Variants in HMCN1 observed in about 807,000 individuals in gnomAD.
The protein encoded by HMCN1 is hemicentin-1.
Under a neutral mutation model 625.9 loss-of-function variants are expected in HMCN1, and 321 were observed. The observed-to-expected ratio is 0.51, with a 90% CI of 0.47 to 0.56. The LOEUF (loss-of-function observed/expected upper bound fraction) is 0.56, where lower values mean the gene tolerates loss of function less well. Among genes scored for constraint, HMCN1 ranks in the 20% least tolerant of loss-of-function variants. HMCN1 has a pLI of 0.00. For missense variants in HMCN1, 6,588 were observed against 6,887.3 expected (o/e 0.96, Z 1.54); for synonymous variants, 2,425 against 2,417.6 (o/e 1.00, Z -0.09).
chr1:186,151,072 A>G, intron 93 of HMCN1, 128 bp from the exon 94 acceptor site: 1 of 838,168 alleles, frequency 1.2e-6, no homozygotes. Context: ...TTAAATTCAG[A>G]TGTCATATGA....
rs886045693 is a variant in HMCN1, at chr1:186,189,597, T to A, written c.16627T>A (p.Phe5543Ile). The A allele has an allele frequency of 6.2e-6, 10 of 1,613,478 alleles. No individual in the cohort carries two copies. In the Admixed American group the frequency reaches 1.2e-4, roughly 19 times the overall value. ...GGAATACAAACTCGTCTCCCTCCCA[T>A]TTGGAATAGCCACCAATCAAGATTT... is the stretch of plus-strand genomic sequence containing the variant. The part of the protein sequence containing the change: ...ALEYKLVSLP[F>I]GIATNQDLIR... The change falls in exon 107 of 107, where the codon TTT (phenylalanine) becomes ATT (isoleucine). Residue 5543 changes from phenylalanine (F) to isoleucine (I), a missense_variant. Coordinates refer to ENST00000271588, the MANE Select transcript of HMCN1 (RefSeq NM_031935.3).
intron 11 of HMCN1, among the ~76,000 whole-genome samples, chr1:185,956,349 G>A (rs1649632299): frequency 6.6e-6 from 1 of 152,168 alleles, no homozygotes; most frequent in Non-Finnish European, 1.5e-5. Flanking sequence ...CAAACTGTAG[G>A]TTGTGATCTG....
At chr1:185,819,098 G>A (rs1189753448) in intron 1 of HMCN1, among the ~76,000 whole-genome samples, 1 of 151,956 alleles carries the variant, frequency 6.6e-6, no homozygotes, top group African/African-American at 2.4e-5. Flanking sequence ...TTTGCTGGGT[G>A]TGGTGGTGGG....
intron 33 of HMCN1, 70 bp from the exon 34 acceptor site, chr1:186,018,112 AC>A: frequency 7.7e-7 from 1 of 1,298,892 alleles, no homozygotes; most frequent in Non-Finnish European, 1.1e-6. Flanking sequence ...TACAATAGAA[AC>A]TTTATATATC....
intron 30 of HMCN1, among the ~76,000 whole-genome samples, chr1:186,010,333 A>G (rs1410969353): frequency 6.6e-6 from 1 of 152,164 alleles, no homozygotes; most frequent in African/African-American, 2.4e-5. Context: ...TCTCTGGCAA[A>G]TATGTATGAA....
At chr1:186,047,043 T>C (rs188763480) in intron 41 of HMCN1, among the ~76,000 whole-genome samples, 33 of 152,158 alleles carry the variant, frequency 2.2e-4, no homozygotes, top group African/African-American at 7.9e-4. Context: ...TGATAAACAA[T>C]GAGAGTCTTG....
At chr1:185,811,938 C>G (rs949842537) in intron 1 of HMCN1, among the ~76,000 whole-genome samples, 37 of 152,220 alleles carry the variant, frequency 2.4e-4, no homozygotes, top group Middle Eastern at 3.4e-3. Flanking sequence ...AGGGCATTTT[C>G]TTAAGAATTA....
chr1:185,864,355 A>G, intron 2 of HMCN1, 115 bp from the exon 3 acceptor site: 2 of 955,788 alleles, frequency 2.1e-6, no homozygotes, highest in East Asian at 2.5e-5. Context: ...TCAAACTGAC[A>G]GAAAATAAAA....
chr1:186,027,438 A>C (rs781702643), intron 36 of HMCN1, among the ~76,000 whole-genome samples: 3 of 152,198 alleles, frequency 2.0e-5, no homozygotes, highest in Admixed American at 6.5e-5. Context: ...TTTCCCAGGA[A>C]AAAAATTAAC....
At chr1:185,911,908 C>T (rs531744673) in intron 6 of HMCN1, 128 bp downstream of exon 6, 49 of 729,170 alleles carry the variant, frequency 6.7e-5, no homozygotes, top group East Asian at 1.3e-4. Flanking sequence ...TAAAAAGCAA[C>T]GTACATAGGT....
chr1:186,090,293 A>G (rs148571164), intron 63 of HMCN1, among the ~76,000 whole-genome samples: 1 of 151,998 alleles, frequency 6.6e-6, no homozygotes, highest in Non-Finnish European at 1.5e-5. Flanking sequence ...CAATAATTAA[A>G]TTGAATAATG....
At chr1:186,003,882 G>T (rs774925783) in intron 29 of HMCN1, 38 bp downstream of exon 29, 26 of 1,603,854 alleles carry the variant, frequency 1.6e-5, no homozygotes, top group Non-Finnish European at 2.2e-5. Context: ...AGGTTTCAAT[G>T]ATAGGAAAAA....
chr1:185,881,071 C>G (rs907826895), intron 4 of HMCN1, among the ~76,000 whole-genome samples: 1 of 152,226 alleles, frequency 6.6e-6, no homozygotes. Flanking sequence ...TCTTTTAGCT[C>G]TGCTGTTGAC....
Position 185,877,323 on chromosome 1 carries a change from T to C in HMCN1, c.621+11460T>C, listed in dbSNP as rs1664012969. 9.7e-5 allele frequency among the ~76,000 whole-genome samples: 4 copies of C among 41,034 alleles called. No homozygotes were observed. The South Asian group carries it at 2.6e-3, about 26-fold the overall frequency. The allele number at this position is 41,034 out of a possible 152,430, so 26.9% of individuals were successfully genotyped here. ...ATTTCATTGATCTATGTGTCTTTCT[T>C]TTTTTTTTTTTTTTTTTTTTTTTTT... is the stretch of plus-strand genomic sequence containing the variant. On this transcript the variant is annotated intron_variant, in intron 4 of 106. Coordinates refer to ENST00000271588, the MANE Select transcript of HMCN1 (RefSeq NM_031935.3).
At position 186,166,174 on chromosome 1, in the gene HMCN1, CT is replaced by C; in HGVS notation, c.15320-8del. Reference sequence around the variant, plus strand: ...CATACTGATTTGGGCCTTTTTGTTTCTTCTTTAAGATGAGGATGAATGTGCA... The same window carrying C: ...CATACTGATTTGGGCCTTTTTGTTTCTCTTTAAGATGAGGATGAATGTGCA... On this transcript the variant is annotated splice_polypyrimidine_tract_variant and intron_variant, in intron 98 of 106. Transcript: ENST00000271588. The C allele has an allele frequency of 1.9e-6, 3 of 1,613,750 alleles. No homozygotes were observed. Among genetic ancestry groups the C allele is most frequent in the Non-Finnish European group, 2.5e-6 (3 of 1,179,942 alleles).
rs1650762473 is a variant in HMCN1 at position 186,152,865 on chromosome 1, T to C, written c.15012T>C (p.Thr5004=). 1 of 1,613,744 alleles carries C rather than the reference T, an allele frequency of 6.2e-7. No individual in the cohort carries two copies. Among genetic ancestry groups the C allele is most frequent in the African/African-American group, 1.3e-5 (1 of 74,930 alleles). Residue 5004 remains threonine (T), a synonymous_variant, in exon 96 of 107, where the codon ACT becomes ACC. Transcript: ENST00000271588. The part of the protein sequence containing the change: ...VLQLQSPAEV[T]VKDYTEDYIQ... Reference sequence around the variant, plus strand: ...AGCTTCAGTCACCTGCTGAAGTCACTGTAAAGGTAAAATGCCAGGATAACT... The same window carrying C: ...AGCTTCAGTCACCTGCTGAAGTCACCGTAAAGGTAAAATGCCAGGATAACT...
intron 1 of HMCN1, among the ~76,000 whole-genome samples, chr1:185,750,960 A>G (rs1398221634): frequency 6.6e-6 from 1 of 152,088 alleles, no homozygotes; most frequent in Non-Finnish European, 1.5e-5. Flanking sequence ...GTGTAATATA[A>G]GGACCTTAGG....
Position 186,087,488 on chromosome 1 carries a change from T to C in HMCN1, c.9206T>C (p.Val3069Ala), listed in dbSNP as rs892661141. The change falls in exon 60 of 107, where the codon GTT becomes GCT. Residue 3069 changes from valine to alanine, a missense_variant. By Grantham distance (64) the Val-to-Ala change is moderately conservative (BLOSUM62 0). This residue lies in a region of HMCN1 where 4,628 missense variants were observed against 4,853.1 expected (regional missense o/e 0.95). Transcript: ENST00000271588. ...KDHDSESLSV[V>A]NVREGTSVSL... ...CATGACAGTGAATCTCTTTCTGTAG[T>C]TAATGTAAGAGAGGGAACTTCTGTG... 13 of 1,613,170 alleles carry C rather than the reference T, an allele frequency of 8.1e-6. No individual in the cohort carries two copies. The African/African-American group carries it at 1.6e-4, about 20-fold the overall frequency.
At chr1:185,906,640 A>G (rs368392693) in intron 4 of HMCN1, among the ~76,000 whole-genome samples, 31 of 152,042 alleles carry the variant, frequency 2.0e-4, no homozygotes, top group African/African-American at 6.7e-4. Context: ...GACATAGACT[A>G]TAAATTTAAT....
Sources: gnomAD v4.1 joint callset for allele counts (sites outside exome capture counted in the v4.1 genomes callset) on GRCh38, gnomAD v4.1.1 for gene constraint, gnomAD v4.1.1 regional missense constraint, MANE v1.5 for transcripts, NCBI Gene and HGNC (gene_info 2026-07-23, HGNC 2026-07-21) for gene names.